Variants in MORC4 observed in about 807,000 individuals in gnomAD.
The protein encoded by MORC4 is MORC family CW-type zinc finger protein 4.
A neutral mutation model predicts 65.5 loss-of-function variants in MORC4; 22 were observed. That is an observed-to-expected ratio of 0.34 (90% CI 0.24 to 0.48). The LOEUF is 0.48. Among genes scored for constraint, MORC4 ranks in the 20% least tolerant of loss-of-function variants. MORC4 has a pLI of 0.99. For missense variants in MORC4, 624 were observed against 703.0 expected (o/e 0.89, Z 1.27); for synonymous variants, 267 against 255.8 (o/e 1.04, Z -0.42).
intron 9 of MORC4, among the ~76,000 whole-genome samples, chrX:106,972,132 C>A (rs1934529937): frequency 8.9e-6 from 1 of 111,868 alleles, no homozygotes; most frequent in South Asian, 3.8e-4. Context: ...GAATACTATG[C>A]AGTCATAAAA....
Position 106,955,101 on chromosome X carries a change from G to A in MORC4, c.1510-13C>T. 1 of 1,150,468 alleles carries A rather than the reference G, an allele frequency of 8.7e-7. No homozygotes were observed. Among genetic ancestry groups the A allele is most frequent in the Non-Finnish European group, 1.2e-6 (1 of 854,658 alleles). The allele number at this position is 1,150,468 out of a possible 1,213,427, so 94.8% of individuals were successfully genotyped here. A position where few individuals can be genotyped will look rare whatever the true frequency, so the allele number is the denominator to read the frequency against. ...GATTACTGAATACCTATAAAAGACA[G>A]AAATGATTTGTAAAAGTCTCAAATT... On this transcript the variant is annotated splice_polypyrimidine_tract_variant and intron_variant, in intron 13 of 16. Transcript: ENST00000355610.
chrX:106,956,575 C>A, intron 12 of MORC4, 41 bp from the exon 13 acceptor site: 1 of 1,055,980 alleles, frequency 9.5e-7, no homozygotes, highest in African/African-American at 1.8e-5. Flanking sequence ...ACTCATGAAA[C>A]TTCTCAGTTT....
At chrX:106,961,598 A>C (rs1274012710) in intron 10 of MORC4, among the ~76,000 whole-genome samples, 1 of 111,816 alleles carries the variant, frequency 8.9e-6, no homozygotes. Flanking sequence ...AAAACGCACC[A>C]ATCAGTGCTC....
Position 106,954,909 on chromosome X carries a change from T to C in MORC4, c.1685+4A>G. The C allele has an allele frequency of 8.3e-7, 1 of 1,204,736 alleles. No individual in the cohort carries two copies. The highest frequency in any genetic ancestry group is 1.1e-6 in the Non-Finnish European group (1 of 891,957). ...ATTGACAAGAGATCATGCTTTTTAG[T>C]CACCTGGAAAACTGTAAAACACTGG... On this transcript the variant is annotated splice_donor_region_variant and intron_variant, in intron 14 of 16. Transcript: ENST00000355610.
chrX:106,960,953 G>A (rs772479888), intron 10 of MORC4, among the ~76,000 whole-genome samples: 1 of 111,921 alleles, frequency 8.9e-6, no homozygotes, highest in Non-Finnish European at 1.9e-5. Context: ...CCACTCTAAT[G>A]TTTGTCTTGA....
At chrX:106,985,287 C>T (rs1038343511) in intron 4 of MORC4, 44 bp from the exon 5 acceptor site, 1 of 992,646 alleles carries the variant, frequency 1.0e-6, no homozygotes, top group Non-Finnish European at 1.4e-6. Context: ...TCTTAGGATG[C>T]TATTGAGAAG....
chrX:106,979,072 A>C (rs959716603), intron 7 of MORC4, among the ~76,000 whole-genome samples: 2 of 111,465 alleles, frequency 1.8e-5, no homozygotes, highest in Admixed American at 1.9e-4. Context: ...CATTAAAACA[A>C]ATACTAAGAA....
At position 106,942,936 on chromosome X, in the gene MORC4, T is replaced by C. The variant is rs1346758621; in HGVS notation, c.1955A>G (p.Gln652Arg). ...VSILYPGAKDQRQGSLLPEEL... is the reference protein window; with the variant it reads ...VSILYPGAKDRRQGSLLPEEL... ...TTCAGGAAGCAGGGACCCCTGGCGT[T>C]GGTCTTTGGCCCCTGGATACAGAAT... Residue 652 changes from glutamine (Q) to arginine (R), a missense_variant, in exon 15 of 17, where the codon CAA (glutamine) becomes CGA (arginine). By Grantham distance (43) the Gln-to-Arg change is conservative (BLOSUM62 1). Coordinates refer to ENST00000355610, the MANE Select transcript of MORC4 (RefSeq NM_024657.5). 9.9e-6 allele frequency: 12 copies of C among 1,210,228 alleles called. No homozygotes were observed. The highest frequency in any genetic ancestry group is 1.7e-5 in the African/African-American group (1 of 57,260).
At chrX:106,945,724 A>C (rs1328271461) in intron 14 of MORC4, among the ~76,000 whole-genome samples, 1 of 111,272 alleles carries the variant, frequency 9.0e-6, no homozygotes, top group Non-Finnish European at 1.9e-5. Flanking sequence ...GGTTTTATAT[A>C]CTAGAAATTC....
intron 2 of MORC4, among the ~76,000 whole-genome samples, chrX:106,996,181 AC>A (rs1935077579): frequency 1.0e-5 from 1 of 98,473 alleles, no homozygotes; most frequent in African/African-American, 3.9e-5. Flanking sequence ...TTTACTAGGT[AC>A]TTTTTTTTTT....
intron 3 of MORC4, among the ~76,000 whole-genome samples, chrX:106,990,058 G>A (rs1360339073): frequency 7.8e-5 from 8 of 102,664 alleles, no homozygotes; most frequent in Non-Finnish European, 1.2e-4. Flanking sequence ...GTATGGTGGC[G>A]CACACCTGTA....
At chrX:106,941,752 G>C in intron 16 of MORC4, 120 bp from the exon 17 acceptor site, 1 of 847,788 alleles carries the variant, frequency 1.2e-6, no homozygotes, top group Non-Finnish European at 1.7e-6. Flanking sequence ...TCATTAGCTA[G>C]AAAGAAGAAA....
At chrX:106,973,917 C>T (rs1934573120) in intron 9 of MORC4, among the ~76,000 whole-genome samples, 1 of 112,048 alleles carries the variant, frequency 8.9e-6, no homozygotes, top group Non-Finnish European at 1.9e-5. Context: ...TGTAGGACAT[C>T]CAACCTACAG....
chrX:106,982,592 A>G (rs1279633258), intron 5 of MORC4, among the ~76,000 whole-genome samples: 3 of 111,474 alleles, frequency 2.7e-5, no homozygotes, highest in African/African-American at 6.5e-5. Context: ...ATCTAAGGAA[A>G]AAAGGTCTGT....
chrX:106,961,232 C>T (rs761518573), intron 10 of MORC4, among the ~76,000 whole-genome samples: 1 of 112,095 alleles, frequency 8.9e-6, no homozygotes, highest in Admixed American at 9.4e-5. Flanking sequence ...TATATTCAGA[C>T]AGGTGAAGTA....
chrX:106,951,150 A>G (rs1197731337), intron 14 of MORC4, among the ~76,000 whole-genome samples: 2 of 111,307 alleles, frequency 1.8e-5, no homozygotes, highest in East Asian at 5.6e-4. Flanking sequence ...CATTTGCAAA[A>G]TTGTTCATCT....
At chrX:106,980,461 C>T (rs1334259482) in intron 7 of MORC4, among the ~76,000 whole-genome samples, 3 of 111,504 alleles carry the variant, frequency 2.7e-5, no homozygotes, top group African/African-American at 6.5e-5. Flanking sequence ...AAGATTAAGA[C>T]GTTCTAGTCA....
intron 9 of MORC4, among the ~76,000 whole-genome samples, chrX:106,964,435 A>T (rs1416633146): frequency 1.8e-5 from 2 of 111,949 alleles, no homozygotes; most frequent in African/African-American, 6.5e-5. Flanking sequence ...AGTCCCAGAA[A>T]GAGAAGAGAG....
chrX:106,982,909 T>G (rs1026475404), intron 5 of MORC4, among the ~76,000 whole-genome samples: 9 of 112,482 alleles, frequency 8.0e-5, no homozygotes, highest in African/African-American at 2.9e-4. Flanking sequence ...TTAAGTCAGC[T>G]TTTCCCAAAT....
Sources: gnomAD v4.1 joint callset for allele counts (sites outside exome capture counted in the v4.1 genomes callset) on GRCh38, gnomAD v4.1.1 for gene constraint, MANE v1.5 for transcripts, NCBI Gene and HGNC (gene_info 2026-07-23, HGNC 2026-07-21) for gene names.